Variants in ALDH6A1 observed in about 807,000 individuals in gnomAD.
ALDH6A1 encodes aldehyde dehydrogenase 6 family member A1, also known as methylmalonate-semialdehyde/malonate-semialdehyde dehydrogenase [acylating], mitochondrial.
ALDH6A1 carries 43 observed loss-of-function variants against 62.6 expected under a neutral mutation model. The ratio of observed to expected loss-of-function variants is 0.69; its 90% CI spans 0.54 to 0.89. The LOEUF is 0.89. Ranked by LOEUF, ALDH6A1 falls within the 40% of genes least tolerant of loss-of-function variation. The probability of loss-of-function intolerance (pLI) is 0.00; values close to 1 mark genes in which losing one functional copy is unlikely to be tolerated. For synonymous variants in ALDH6A1, 194 were observed against 234.2 expected (o/e 0.83, Z 1.57); for missense variants, 551 against 661.3 (o/e 0.83, Z 1.83).
At position 74,058,608 on chromosome 14, in the gene ALDH6A1, T is replaced by TA. The variant is rs914080024; in HGVS notation, c.*2033dup. On this transcript the variant is annotated 3_prime_UTR_variant, in exon 12 of 12. Coordinates refer to ENST00000553458, the MANE Select transcript of ALDH6A1 (RefSeq NM_005589.4). ...ACATTTTCAAGGTCTTTTTTTTTTTTATCATACTTAATTCATGAATAACCC... is the reference window on the plus strand; with the variant it reads ...ACATTTTCAAGGTCTTTTTTTTTTTTAATCATACTTAATTCATGAATAACCC... 2.0e-5 allele frequency: 3 copies of TA among 151,776 alleles called. No homozygotes were observed. The highest frequency in any genetic ancestry group is 6.6e-5 in the Admixed American group (1 of 15,256). The allele number at this position is 151,776 out of a possible 1,614,324, so 9.4% of individuals were successfully genotyped here.
chr14:74,057,919 C>A lies in ALDH6A1; in HGVS notation c.*2723G>T, dbSNP rs528824731. The A allele has an allele frequency of 1.0e-6, 1 of 992,242 alleles. No homozygotes were observed. Among genetic ancestry groups the A allele is most frequent in the African/African-American group, 1.7e-5 (1 of 57,194 alleles). 61.5% of individuals were successfully genotyped at this position (992,242 alleles called of 1,614,324 possible). On this transcript the variant is annotated 3_prime_UTR_variant, in exon 12 of 12. Transcript: ENST00000553458. ...AGTGTGTTTTTTTAGAAGTGATTTC[C>A]CTTAAATATAAGGAAAATGTTAGGA...
chr14:74,060,766 A>C lies in ALDH6A1; in HGVS notation c.1504-20T>G. The C allele has an allele frequency of 1.3e-6, 2 of 1,537,438 alleles. No individual in the cohort carries two copies. Among genetic ancestry groups the C allele is most frequent in the Non-Finnish European group, 1.8e-6 (2 of 1,110,280 alleles). ...GATGCCCTAAGGAAAACAGAAAAAAAGTTAGCATATATTTCTGGGGTTTCA... is the reference window on the plus strand; with the variant it reads ...GATGCCCTAAGGAAAACAGAAAAAACGTTAGCATATATTTCTGGGGTTTCA... On this transcript the variant is annotated intron_variant, in intron 11 of 11. Coordinates refer to ENST00000553458, the MANE Select transcript of ALDH6A1 (RefSeq NM_005589.4).
At chr14:74,069,337 C>T (rs529250849) in intron 6 of ALDH6A1, 47 of 319,546 alleles carry the variant, frequency 1.5e-4, no homozygotes, top group Admixed American at 9.4e-4. Flanking sequence ...CTCCTGACCT[C>T]GTGATCCACT....
intron 11 of ALDH6A1, among the ~76,000 whole-genome samples, chr14:74,063,122 G>T (rs114223281): frequency 0.011 from 1,741 of 151,890 alleles, 35 homozygotes; most frequent in African/African-American, 0.04. Context: ...CTGTCTGAAT[G>T]TGCCATGCTT....
At chr14:74,066,683 T>A in intron 9 of ALDH6A1, 22 bp downstream of exon 9, 17 of 1,610,492 alleles carry the variant, frequency 1.1e-5, no homozygotes, top group Non-Finnish European at 1.4e-5. Flanking sequence ...GCTCTCATAT[T>A]TGTGAAGTGA....
rs751748364 is a variant in ALDH6A1 at position 74,067,544 on chromosome 14, A to ATGAC, written c.874_877dup (p.Met293SerfsTer7). The ATGAC allele has an allele frequency of 1.2e-6, 2 of 1,614,156 alleles. No homozygotes were observed. Among genetic ancestry groups the ATGAC allele is most frequent in the Middle Eastern group, 1.7e-4 (1 of 6,060 alleles). On this transcript the variant is annotated frameshift_variant, in exon 8 of 12. Coordinates refer to ENST00000553458, the MANE Select transcript of ALDH6A1 (RefSeq NM_005589.4). LOFTEE classifies it high-confidence loss of function. ...GGTATTTTCCTTATTGGCATCTGGC[A>ATGAC]TGACTACCCCATGGTTCTTGGCTCC...
intron 2 of ALDH6A1, among the ~76,000 whole-genome samples, chr14:74,073,384 C>T (rs1158381811): frequency 3.3e-5 from 5 of 151,834 alleles, no homozygotes; most frequent in African/African-American, 7.3e-5. Context: ...GGATTACAGG[C>T]GTGAGTCATC....
intron 7 of ALDH6A1, 35 bp downstream of exon 7, chr14:74,068,825 A>T (rs746741651): frequency 1.1e-5 from 18 of 1,612,484 alleles, no homozygotes; most frequent in Non-Finnish European, 1.5e-5. Flanking sequence ...TCATATATAG[A>T]ACAAAGATTG....
intron 8 of ALDH6A1, among the ~76,000 whole-genome samples, chr14:74,067,160 G>A (rs1304300513): frequency 6.6e-6 from 1 of 152,170 alleles, no homozygotes; most frequent in Non-Finnish European, 1.5e-5. Flanking sequence ...GCTGCCATGA[G>A]CTAGGATGGT....
chr14:74,072,095 G>A (rs1019390432), intron 4 of ALDH6A1, 108 bp downstream of exon 4: 27 of 1,561,436 alleles, frequency 1.7e-5, no homozygotes, highest in Admixed American at 1.0e-4. Flanking sequence ...CATGATCAAC[G>A]TCTCTGCATA....
In ALDH6A1 at chr14:74,072,570, G is replaced by A; in HGVS notation, c.153C>T (p.Ser51=). The stretch of plus-strand genomic sequence containing the variant: ...GGATATCGATCCATTTGTCACTTTT[G>A]GATTCAACGAATTTCCCACCAATGA... ...KLFIGGKFVE[S]KSDKWIDIHN... is the part of the protein sequence containing the mutation. The change falls in exon 3 of 12, where the codon TCC becomes TCT. Residue 51 remains serine (S), a synonymous_variant. Transcript: ENST00000553458. 6.2e-7 allele frequency: 1 copy of A among 1,613,968 alleles called. No homozygotes were observed. The highest frequency in any genetic ancestry group is 8.5e-7 in the Non-Finnish European group (1 of 1,180,012).
At position 74,066,750 on chromosome 14, in the gene ALDH6A1, A is replaced by C; in HGVS notation, c.1179T>G (p.Tyr393Ter). The stretch of plus-strand genomic sequence containing the variant: ...TTGGTCCAACAAAGTTGCCATTTTC[A>C]TAGCCTTTCACTTTAATTTTTCGTC... The part of the protein sequence containing the change: ...LDGRKIKVKG[Y>*]ENGNFVGPTI... The change falls in exon 9 of 12, where the codon TAT (tyrosine) becomes TAG (stop). Residue 393 changes from tyrosine (Y) to a stop codon, truncating the protein, a stop_gained. Transcript: ENST00000553458. LOFTEE classifies it high-confidence loss of function. 6.2e-7 allele frequency: 1 copy of C among 1,614,074 alleles called. No homozygotes were observed. The highest frequency in any genetic ancestry group is 1.1e-5 in the South Asian group (1 of 91,076).
chr14:74,063,435 T>G (rs1031954598), intron 11 of ALDH6A1, among the ~76,000 whole-genome samples: 2 of 152,050 alleles, frequency 1.3e-5, no homozygotes, highest in Non-Finnish European at 2.9e-5. Context: ...TCTGCCTGCC[T>G]CAGCCTCCCA....
chr14:74,061,871 A>G (rs1566825278), intron 11 of ALDH6A1, among the ~76,000 whole-genome samples: 1 of 152,084 alleles, frequency 6.6e-6, no homozygotes. Context: ...CTAGCAAGCT[A>G]GAATGACATT....
At position 74,066,691 on chromosome 14, in the gene ALDH6A1, T is replaced by C. The variant is rs998418287; in HGVS notation, c.1224+14A>G. ...GCCTTCAGCTCTCATATTTGTGAAG[T>C]GAAAGTTGTTCACCTTGACATTCGA... On this transcript the variant is annotated intron_variant, in intron 9 of 11. Transcript: ENST00000553458. 7 of 1,612,628 alleles carry C rather than the reference T, an allele frequency of 4.3e-6. No homozygotes were observed. Among genetic ancestry groups the C allele is most frequent in the Non-Finnish European group, 5.9e-6 (7 of 1,178,754 alleles).
At position 74,057,193 on chromosome 14, in the gene ALDH6A1, A is replaced by T. The variant is rs755638669; in HGVS notation, c.*3449T>A. ...AATCTTCATCACCCAGCAAATTGCA[A>T]TATCAGACTCTTCTGGTGAAGTGGT... On this transcript the variant is annotated 3_prime_UTR_variant, in exon 12 of 12. Transcript: ENST00000553458. 1 of 1,613,996 alleles carries T rather than the reference A, an allele frequency of 6.2e-7. No individual in the cohort carries two copies. Among genetic ancestry groups the T allele is most frequent in the Non-Finnish European group, 8.5e-7 (1 of 1,179,876 alleles).
chr14:74,072,618 A>AAAC lies in ALDH6A1; in HGVS notation c.112-8_112-7insGTT. 1 of 1,607,734 alleles carries AAAC rather than the reference A, an allele frequency of 6.2e-7. No homozygotes were observed. The highest frequency in any genetic ancestry group is 1.3e-5 in the African/African-American group (1 of 74,766). ...TGAAGAGCTTTACAGTTGGCTGAAA[A>AAAC]AAACAAACAAACAAACAAACAAACA... On this transcript the variant is annotated splice_polypyrimidine_tract_variant and splice_region_variant and intron_variant, in intron 2 of 11. Transcript: ENST00000553458.
chr14:74,074,895 A>T, intron 2 of ALDH6A1, 60 bp downstream of exon 2: 1 of 1,532,252 alleles, frequency 6.5e-7, no homozygotes, highest in Non-Finnish European at 9.0e-7. Flanking sequence ...GAAGATAGAG[A>T]TACCCAAAAC....
In ALDH6A1 at chr14:74,058,704, T is replaced by C. The variant is rs72725924; in HGVS notation, c.*1938A>G. ...GCAGGAAAATAAAAAGAGGATTCAA[T>C]TGGATTGGTACTGCAAAAAGAATCC... On this transcript the variant is annotated 3_prime_UTR_variant, in exon 12 of 12. Coordinates refer to ENST00000553458, the MANE Select transcript of ALDH6A1 (RefSeq NM_005589.4). The C allele has an allele frequency of 6.6e-6, 1 of 152,164 alleles. No homozygotes were observed. Among genetic ancestry groups the C allele is most frequent in the Non-Finnish European group, 1.5e-5 (1 of 68,026 alleles). 9.4% of individuals were successfully genotyped at this position (152,164 alleles called of 1,614,324 possible).
Sources: gnomAD v4.1 joint callset for allele counts (sites outside exome capture counted in the v4.1 genomes callset) on GRCh38, gnomAD v4.1.1 for gene constraint, MANE v1.5 for transcripts, NCBI Gene and HGNC (gene_info 2026-07-23, HGNC 2026-07-21) for gene names.